CHSY3: variants seen among roughly 807,000 people sequenced by gnomAD.
CHSY3 encodes N-acetylgalactosaminyl-proteoglycan 3-beta-glucuronosyltransferase 3.
CHSY3 carries 35 observed loss-of-function variants against 67.2 expected under a neutral mutation model. The ratio of observed to expected loss-of-function variants is 0.52; its 90% confidence interval spans 0.40 to 0.69. The LOEUF is 0.69. CHSY3 is among the 30% of genes least tolerant of loss of function. CHSY3 has a pLI of 0.00. For synonymous variants in CHSY3, 474 were observed against 434.7 expected, an observed-to-expected ratio of 1.09 and a Z score of -1.12; for missense variants, 1,069 against 1,138.5, an observed-to-expected ratio of 0.94 and a Z score of 0.88.
intron 2 of CHSY3, among the ~76,000 whole-genome samples, chr5:130,071,522 C>T (rs1250510987): frequency 6.8e-6 from 1 of 146,950 alleles, no homozygotes; most frequent in African/African-American, 2.5e-5. Context: ...AAAAAGATGA[C>T]ATTATAGTAG....
At chr5:130,139,455 T>C (rs1768785493) in intron 2 of CHSY3, among the ~76,000 whole-genome samples, 1 of 152,258 alleles carries the variant, frequency 6.6e-6, no homozygotes, top group Non-Finnish European at 1.5e-5. Context: ...GTATGTATGA[T>C]AACTTTACAT....
chr5:130,020,602 C>T (rs1764363055), intron 2 of CHSY3, among the ~76,000 whole-genome samples: 1 of 135,660 alleles, frequency 7.4e-6, no homozygotes, highest in South Asian at 2.5e-4. Flanking sequence ...CCGTTCAGGA[C>T]CATGTGTATC....
chr5:129,975,087 T>G (rs1401318243), intron 2 of CHSY3: 1 of 150,520 alleles, frequency 6.6e-6, no homozygotes, highest in South Asian at 2.1e-4. Context: ...GGGGTGGGGG[T>G]AGGGGGGAAG....
At chr5:130,093,795 T>G (rs1229601597) in intron 2 of CHSY3, among the ~76,000 whole-genome samples, 1 of 152,130 alleles carries the variant, frequency 6.6e-6, no homozygotes, top group Non-Finnish European at 1.5e-5. Flanking sequence ...TAGCCACTTA[T>G]GGTAACCACC....
chr5:130,039,798 G>A (rs1764959576), intron 2 of CHSY3, among the ~76,000 whole-genome samples: 1 of 152,030 alleles, frequency 6.6e-6, no homozygotes, highest in African/African-American at 2.4e-5. Context: ...CCCCTAAATA[G>A]CAGTTGTGGC....
chr5:130,018,565 T>C (rs1225226319), intron 2 of CHSY3, among the ~76,000 whole-genome samples: 1 of 152,230 alleles, frequency 6.6e-6, no homozygotes, highest in Non-Finnish European at 1.5e-5. Context: ...AATTTTGTCA[T>C]GGTTATATTA....
At chr5:130,035,856 A>T (rs898801089) in intron 2 of CHSY3, among the ~76,000 whole-genome samples, 2 of 148,092 alleles carry the variant, frequency 1.4e-5, no homozygotes, top group Non-Finnish European at 3.0e-5. Context: ...ATTCTAGGGC[A>T]CATTCCCAAG....
chr5:129,993,707 T>G (rs552262498), intron 2 of CHSY3, among the ~76,000 whole-genome samples: 1 of 152,308 alleles, frequency 6.6e-6, no homozygotes, highest in Non-Finnish European at 1.5e-5. Flanking sequence ...TTAGCCCATT[T>G]ACATTTAAAG....
chr5:129,937,731 A>AG (rs1184816027), intron 2 of CHSY3, among the ~76,000 whole-genome samples: 2 of 152,146 alleles, frequency 1.3e-5, no homozygotes, highest in East Asian at 3.9e-4. Flanking sequence ...GCCAAAACAA[A>AG]GGGGCTACAG....
chr5:130,045,926 T>A (rs1187519181), intron 2 of CHSY3, among the ~76,000 whole-genome samples: 1 of 152,018 alleles, frequency 6.6e-6, no homozygotes, highest in Non-Finnish European at 1.5e-5. Flanking sequence ...GGGAAGAAAT[T>A]TTCACTGAGT....
At chr5:130,040,378 A>G (rs1398291292) in intron 2 of CHSY3, among the ~76,000 whole-genome samples, 1 of 152,086 alleles carries the variant, frequency 6.6e-6, no homozygotes, top group Non-Finnish European at 1.5e-5. Context: ...ACCAGTTTCA[A>G]TTCTGAGTGA....
At chr5:130,007,891 C>A (rs1408014716) in intron 2 of CHSY3, among the ~76,000 whole-genome samples, 1 of 152,190 alleles carries the variant, frequency 6.6e-6, no homozygotes, top group Non-Finnish European at 1.5e-5. Context: ...GCCACACCCT[C>A]TTGCAGCACA....
chr5:129,994,014 T>A (rs1174857566), intron 2 of CHSY3, among the ~76,000 whole-genome samples: 1 of 152,240 alleles, frequency 6.6e-6, no homozygotes, highest in Non-Finnish European at 1.5e-5. Flanking sequence ...GAAAATTCTT[T>A]TCTTTAAGAA....
intron 2 of CHSY3, among the ~76,000 whole-genome samples, chr5:129,999,736 CCTTA>C (rs1333291738): frequency 1.3e-5 from 2 of 151,988 alleles, no homozygotes; most frequent in African/African-American, 2.4e-5. Context: ...GAGTAATTTC[CCTTA>C]CTTACTTAGA....
intron 2 of CHSY3, among the ~76,000 whole-genome samples, chr5:129,937,365 G>A (rs74328473): frequency 6.6e-6 from 1 of 152,152 alleles, no homozygotes; most frequent in East Asian, 1.9e-4. Flanking sequence ...ACAGCAAGGG[G>A]GAAGTCCACT....
intron 2 of CHSY3, among the ~76,000 whole-genome samples, chr5:130,066,187 T>C (rs578125545): frequency 6.6e-6 from 1 of 152,264 alleles, no homozygotes; most frequent in South Asian, 2.1e-4. Flanking sequence ...ATCTCTTTCA[T>C]TTGTCATATT....
In CHSY3 at chr5:130,031,031, T is replaced by C. The variant is rs189676383; in HGVS notation, c.1086+122671T>C. On this transcript the variant is annotated intron_variant, in intron 2 of 2. Transcript: ENST00000305031. ...CTAGAAGAATTAAACCTATTACTTATGGAGTATAAGAAGCAGATGGTGTCA... is the reference window on the plus strand; with the variant it reads ...CTAGAAGAATTAAACCTATTACTTACGGAGTATAAGAAGCAGATGGTGTCA... Among the ~76,000 whole-genome samples the C allele has an allele frequency of 2.4e-3, 367 of 152,142 alleles. 1 individual carries two copies. The highest frequency in any genetic ancestry group is 7.6e-3 in the African/African-American group (314 of 41,530).
At chr5:129,961,062 G>A (rs1237590401) in intron 2 of CHSY3, among the ~76,000 whole-genome samples, 1 of 152,058 alleles carries the variant, frequency 6.6e-6, no homozygotes, top group South Asian at 2.1e-4. Context: ...AGTCTGACTT[G>A]CTTTTCACCA....
chr5:130,063,049 A>T (rs1290510944), intron 2 of CHSY3, among the ~76,000 whole-genome samples: 1 of 152,128 alleles, frequency 6.6e-6, no homozygotes, highest in Non-Finnish European at 1.5e-5. Context: ...GTTAAGATTC[A>T]GCAGTAGAAT....
Sources: allele counts gnomAD v4.1 joint callset (sites outside exome capture counted in the v4.1 genomes callset), GRCh38; gene constraint gnomAD v4.1.1; transcripts MANE v1.5; gene names NCBI Gene and HGNC (gene_info 2026-07-23, HGNC 2026-07-21).